TOX2: variants seen among roughly 807,000 people sequenced by gnomAD.
TOX2 encodes TOX high mobility group box family member 2, also known as granulosa cell HMG box 1.
A neutral mutation model predicts 47.4 loss-of-function variants in TOX2; 15 were observed. The ratio of observed to expected loss-of-function variants is 0.32; its 90% CI spans 0.21 to 0.49. The LOEUF (loss-of-function observed/expected upper bound fraction) is 0.49, where lower values mean the gene tolerates loss of function less well. Ranked by LOEUF, TOX2 falls within the 20% of genes least tolerant of loss-of-function variation. The probability of loss-of-function intolerance (pLI) is 0.99; values close to 1 mark genes in which losing one functional copy is unlikely to be tolerated. For synonymous variants in TOX2, 290 were observed against 296.6 expected (o/e 0.98, Z 0.23); for missense variants, 622 against 673.1 (o/e 0.92, Z 0.84).
chr20:44,022,265 A>C (rs963302503), intron 3 of TOX2, among the ~76,000 whole-genome samples: 6 of 151,724 alleles, frequency 4.0e-5, no homozygotes, highest in East Asian at 1.9e-4. Flanking sequence ...CTCCAGCTAC[A>C]TGCGTGTTGA....
At chr20:44,031,873 C>G (rs1226053828) in intron 3 of TOX2, among the ~76,000 whole-genome samples, 1 of 151,610 alleles carries the variant, frequency 6.6e-6, no homozygotes, top group African/African-American at 2.4e-5. Flanking sequence ...GTGTCGCGGT[C>G]TAGATACCAG....
intron 4 of TOX2, 144 bp from the exon 5 acceptor site, chr20:44,054,155 G>C: frequency 1.3e-6 from 1 of 780,354 alleles, no homozygotes. Flanking sequence ...GTGTCTGTCT[G>C]TCCATTGCCC....
chr20:43,936,530 G>C (rs2069328967), intron 1 of TOX2, among the ~76,000 whole-genome samples: 1 of 152,186 alleles, frequency 6.6e-6, no homozygotes, highest in South Asian at 2.1e-4. Context: ...CCAGTGGCCT[G>C]GGAGCTGGGT....
At chr20:43,947,652 T>A (rs769144169) in intron 1 of TOX2, among the ~76,000 whole-genome samples, 32 of 152,182 alleles carry the variant, frequency 2.1e-4, no homozygotes, top group Non-Finnish European at 4.6e-4. Context: ...TTCCATGGGT[T>A]CTTGACTGGG....
chr20:43,927,178 G>A (rs193168814), intron 1 of TOX2, among the ~76,000 whole-genome samples: 37 of 152,254 alleles, frequency 2.4e-4, no homozygotes, highest in Non-Finnish European at 5.1e-4. Context: ...CAGTTCAAAT[G>A]CAACTTACCA....
chr20:43,937,546 TCA>T (rs2069342401), intron 1 of TOX2, among the ~76,000 whole-genome samples: 1 of 152,056 alleles, frequency 6.6e-6, no homozygotes, highest in Non-Finnish European at 1.5e-5. Context: ...GGTTTTGGAC[TCA>T]GTCCTGCTGG....
intron 4 of TOX2, among the ~76,000 whole-genome samples, chr20:44,053,122 T>C (rs1212743566): frequency 6.6e-6 from 1 of 152,194 alleles, no homozygotes; most frequent in Admixed American, 6.5e-5. Flanking sequence ...CAAAGTCCCC[T>C]GTTCCTACAT....
chr20:44,050,989 C>T (rs1225351269), intron 3 of TOX2, among the ~76,000 whole-genome samples: 1 of 152,214 alleles, frequency 6.6e-6, no homozygotes, highest in African/African-American at 2.4e-5. Flanking sequence ...GGAGGGAAGA[C>T]TCGGTCTCAT....
chr20:44,049,038 G>A (rs1206886829), intron 3 of TOX2, among the ~76,000 whole-genome samples: 2 of 152,246 alleles, frequency 1.3e-5, no homozygotes, highest in Non-Finnish European at 2.9e-5. Flanking sequence ...TACCTGGGAG[G>A]CAGAGGTTGC....
chr20:44,014,465 T>G (rs893825332), intron 3 of TOX2, among the ~76,000 whole-genome samples: 1 of 152,140 alleles, frequency 6.6e-6, no homozygotes, highest in Admixed American at 6.5e-5. Context: ...GGGTTTTCTC[T>G]GTGCATTTTT....
At chr20:44,046,733 G>A (rs2071413858) in intron 3 of TOX2, among the ~76,000 whole-genome samples, 1 of 152,168 alleles carries the variant, frequency 6.6e-6, no homozygotes, top group African/African-American at 2.4e-5. Context: ...AGTCAAAACT[G>A]TTTATTGAAT....
intron 1 of TOX2, among the ~76,000 whole-genome samples, chr20:43,944,336 G>A: frequency 6.6e-6 from 1 of 152,184 alleles, no homozygotes. Context: ...CTGCAGGAGT[G>A]TGCTATGGAC....
At chr20:44,066,701 C>T in intron 7 of TOX2, 29 bp from the exon 8 acceptor site, 1 of 1,614,028 alleles carries the variant, frequency 6.2e-7, no homozygotes, top group Non-Finnish European at 8.5e-7. Context: ...CTCTCCTTGG[C>T]TCATGGCCTC....
At chr20:43,984,689 G>T (rs1156694766) in intron 2 of TOX2, among the ~76,000 whole-genome samples, 1 of 152,184 alleles carries the variant, frequency 6.6e-6, no homozygotes, top group Non-Finnish European at 1.5e-5. Flanking sequence ...CTGTCATAAA[G>T]ATATTTTTCA....
intron 3 of TOX2, among the ~76,000 whole-genome samples, chr20:44,026,179 A>G (rs1179505979): frequency 6.8e-6 from 1 of 146,498 alleles, no homozygotes. Context: ...CAATTGCAAA[A>G]TGTGGAACCA....
intron 2 of TOX2, among the ~76,000 whole-genome samples, chr20:43,997,677 G>T (rs137963983): frequency 1.3e-5 from 2 of 151,740 alleles, no homozygotes; most frequent in East Asian, 1.9e-4. Context: ...GGTTTATTTT[G>T]TTATTCTATT....
rs73287085 is a variant in TOX2, at chr20:43,921,321, G to C, written c.99+6331G>C. On this transcript the variant is annotated intron_variant, in intron 1 of 8. Coordinates refer to ENST00000341197, the MANE Select transcript of TOX2 (RefSeq NM_001098797.2). ...GTAGGGCAATCTATTTTGCTTCTCT[G>C]ATTTCCTAGAGTTGGTCTCAGGATA... is the stretch of plus-strand genomic sequence containing the variant. 6.5e-3 allele frequency among the ~76,000 whole-genome samples: 985 copies of C among 152,288 alleles called. 13 individuals are homozygous for C. Among genetic ancestry groups the C allele is most frequent in the African/African-American group, 0.023 (937 of 41,542 alleles).
chr20:44,068,367 A>G (rs548637923), intron 8 of TOX2, among the ~76,000 whole-genome samples: 5 of 152,166 alleles, frequency 3.3e-5, no homozygotes, highest in Admixed American at 1.3e-4. Flanking sequence ...TGTGAGAGCA[A>G]TGGTGACATC....
Position 44,054,537 on chromosome 20 carries a change from C to CTCTCTT in TOX2, c.879+15_879+20dup. ...GAGGAACAGAAGCAGGTGAGCCTCC[C>CTCTCTT]TCTCTTTCTGGGCCATCCCCTGAGG... On this transcript the variant is annotated intron_variant, in intron 5 of 8. Transcript: ENST00000341197. 1 of 1,611,322 alleles carries CTCTCTT rather than the reference C, an allele frequency of 6.2e-7. No individual in the cohort carries two copies. Among genetic ancestry groups the CTCTCTT allele is most frequent in the Non-Finnish European group, 8.5e-7 (1 of 1,178,550 alleles).
Sources: allele counts gnomAD v4.1 joint callset (sites outside exome capture counted in the v4.1 genomes callset), GRCh38; gene constraint gnomAD v4.1.1; transcripts MANE v1.5; gene names NCBI Gene and HGNC (gene_info 2026-07-23, HGNC 2026-07-21).